The following DRC11 variants were observed in gnomAD, a reference collection of about 807,000 sequenced individuals.
DRC11 encodes dynein regulatory complex subunit 11.
At chr2:236,339,738 C>T in the DRC11 span, among the ~76,000 whole-genome samples, 28,926 of 152,194 alleles carry the variant, frequency 0.19, 2,921 homozygotes, top group African/African-American at 0.26. Context: ...TACTGGATTC[C>T]TGATTCTGAT....
the DRC11 span, among the ~76,000 whole-genome samples, chr2:236,449,998 T>A: frequency 5.9e-5 from 9 of 152,192 alleles, no homozygotes; most frequent in Non-Finnish European, 1.3e-4. The surrounding 1 kb of genome is among the most constrained non-coding windows in gnomAD (Gnocchi z 5.1). Flanking sequence ...GCTGTCCACC[T>A]GGATTAGCTT....
the DRC11 span, chr2:236,493,975 A>G: frequency 9.0e-7 from 1 of 1,113,720 alleles, no homozygotes; most frequent in South Asian, 2.4e-5. Context: ...GGACGTGCAC[A>G]TCAAAGACGC....
At chr2:236,497,499 G>A in the DRC11 span, 8 of 1,577,584 alleles carry the variant, frequency 5.1e-6, no homozygotes, top group Non-Finnish European at 6.9e-6. The surrounding 1 kb of genome is among the most constrained non-coding windows in gnomAD (Gnocchi z 5.1). Context: ...TGGGGGAAGA[G>A]AGAGAATTTA....
the DRC11 span, among the ~76,000 whole-genome samples, chr2:236,443,234 G>A: frequency 3.3e-5 from 5 of 152,158 alleles, no homozygotes; most frequent in African/African-American, 7.2e-5. The surrounding 1 kb of genome is among the most constrained non-coding windows in gnomAD (Gnocchi z 4.4). Flanking sequence ...GGTTTGTTAC[G>A]TAGGTAGATG....
the DRC11 span, among the ~76,000 whole-genome samples, chr2:236,392,905 A>G: frequency 6.6e-6 from 1 of 152,204 alleles, no homozygotes; most frequent in Non-Finnish European, 1.5e-5. The surrounding 1 kb of genome is among the most constrained non-coding windows in gnomAD (Gnocchi z 5.1). Flanking sequence ...GAAATCACAC[A>G]TATTTAAAAT....
At chr2:236,429,598 T>G in the DRC11 span, among the ~76,000 whole-genome samples, 1 of 152,080 alleles carries the variant, frequency 6.6e-6, no homozygotes, top group Non-Finnish European at 1.5e-5. This position sits in a 1 kb window ranked among gnomAD's most constrained non-coding sequence, Gnocchi z 5.9. Context: ...CAAGGCTGTT[T>G]TCTGGCATGC....
the DRC11 span, among the ~76,000 whole-genome samples, chr2:236,458,955 G>T: frequency 1.3e-5 from 2 of 152,142 alleles, no homozygotes; most frequent in Admixed American, 1.3e-4. Flanking sequence ...TGAAGCAAGA[G>T]AATTTCTTGA....
the DRC11 span, among the ~76,000 whole-genome samples, chr2:236,458,123 G>C: frequency 1.3e-5 from 2 of 152,144 alleles, no homozygotes; most frequent in Admixed American, 6.5e-5. Context: ...GTACAGGGAA[G>C]GAGCCCACAC....
the DRC11 span, chr2:236,486,732 T>C: frequency 4.8e-6 from 4 of 832,862 alleles, no homozygotes; most frequent in Non-Finnish European, 7.7e-6. The surrounding 1 kb of genome is among the most constrained non-coding windows in gnomAD (Gnocchi z 5.7). Flanking sequence ...TTTATTTTTC[T>C]TTCTTTCTTC....
the DRC11 span, among the ~76,000 whole-genome samples, chr2:236,381,903 A>G: frequency 1.3e-5 from 2 of 152,136 alleles, no homozygotes; most frequent in African/African-American, 4.8e-5. This position sits in a 1 kb window ranked among gnomAD's most constrained non-coding sequence, Gnocchi z 5.8. Context: ...GTGGTTTGCA[A>G]ATATTTCCTC....
the DRC11 span, among the ~76,000 whole-genome samples, chr2:236,447,703 A>G: frequency 6.6e-6 from 1 of 152,136 alleles, no homozygotes; most frequent in Non-Finnish European, 1.5e-5. The surrounding 1 kb of genome is among the most constrained non-coding windows in gnomAD (Gnocchi z 4.6). Context: ...TTTGTTCTGT[A>G]GATTTGGGTG....
At chr2:236,498,967 C>T in the DRC11 span, among the ~76,000 whole-genome samples, 1 of 152,104 alleles carries the variant, frequency 6.6e-6, no homozygotes, top group African/African-American at 2.4e-5. Context: ...GTGGAGAGCC[C>T]TGATCATTGA....
chr2:236,355,364 C>G, the DRC11 span, among the ~76,000 whole-genome samples: 1 of 152,220 alleles, frequency 6.6e-6, no homozygotes, highest in Non-Finnish European at 1.5e-5. Context: ...TCCCTTTTGC[C>G]AGGAACCGAA....
At chr2:236,447,841 C>T in the DRC11 span, among the ~76,000 whole-genome samples, 1 of 136,394 alleles carries the variant, frequency 7.3e-6, no homozygotes, top group African/African-American at 2.7e-5. The surrounding 1 kb of genome is among the most constrained non-coding windows in gnomAD (Gnocchi z 4.6). Context: ...CGGCTTGGAC[C>T]TTGCCTGTTG....
chr2:236,444,243 T>C, the DRC11 span, among the ~76,000 whole-genome samples: 2 of 152,258 alleles, frequency 1.3e-5, no homozygotes, highest in African/African-American at 4.8e-5. Context: ...CCTTTGGCGT[T>C]TTCATCATGA....
chr2:236,491,835 T>C, the DRC11 span, among the ~76,000 whole-genome samples: 1 of 152,176 alleles, frequency 6.6e-6, no homozygotes, highest in African/African-American at 2.4e-5. Context: ...AGAGGTCATC[T>C]TGAGTTAAAT....
At chr2:236,360,275 G>GA in the DRC11 span, among the ~76,000 whole-genome samples, 1 of 152,152 alleles carries the variant, frequency 6.6e-6, no homozygotes, top group African/African-American at 2.4e-5. This position sits in a 1 kb window ranked among gnomAD's most constrained non-coding sequence, Gnocchi z 5.8. Flanking sequence ...CTGCAACCAG[G>GA]AAAATTACTA....
chr2:236,330,390 A>G, the DRC11 span, among the ~76,000 whole-genome samples: 1 of 152,220 alleles, frequency 6.6e-6, no homozygotes, highest in Non-Finnish European at 1.5e-5. This position sits in a 1 kb window ranked among gnomAD's most constrained non-coding sequence, Gnocchi z 5.5. Context: ...CTCAAAGCCT[A>G]AAATATTTAC....
At chr2:236,464,309 T>A in the DRC11 span, among the ~76,000 whole-genome samples, 2 of 152,210 alleles carry the variant, frequency 1.3e-5, no homozygotes, top group African/African-American at 4.8e-5. Context: ...CTAACCACAG[T>A]TGGCGTCAGA....
Sources: gnomAD v4.1 joint callset for allele counts (sites outside exome capture counted in the v4.1 genomes callset) on GRCh38, gnomAD v4.1.1 for gene constraint, Gnocchi (gnomAD v3.1) non-coding constraint, MANE v1.5 for transcripts, NCBI Gene and HGNC (gene_info 2026-07-23, HGNC 2026-07-21) for gene names.